The following HBP1 variants were observed in gnomAD, a reference collection of about 807,000 sequenced individuals.
HBP1 encodes the protein HMG-box transcription factor 1.
HBP1 carries 20 observed loss-of-function variants against 62.6 expected under a neutral mutation model. That is an observed-to-expected ratio of 0.32 (90% CI 0.22 to 0.46). The LOEUF is 0.46. Among genes scored for constraint, HBP1 ranks in the 20% least tolerant of loss-of-function variants. HBP1 has a pLI of 1.00. For synonymous variants in HBP1, 232 were observed against 206.2 expected, an observed-to-expected ratio of 1.12 and a Z score of -1.07; for missense variants, 480 against 611.8, an observed-to-expected ratio of 0.78 and a Z score of 2.27.
At chr7:107,183,524 A>G (rs1046927248) in intron 3 of HBP1, among the ~76,000 whole-genome samples, 1 of 152,126 alleles carries the variant, frequency 6.6e-6, no homozygotes, top group Non-Finnish European at 1.5e-5. Flanking sequence ...AGGAAAGAAA[A>G]CTTCCTTTCA....
At chr7:107,187,706 G>A (rs2115912234) in intron 6 of HBP1, among the ~76,000 whole-genome samples, 1 of 152,238 alleles carries the variant, frequency 6.6e-6, no homozygotes, top group Middle Eastern at 3.4e-3. Flanking sequence ...TGTCTCAAAG[G>A]TTACTAGCTT....
intron 3 of HBP1, among the ~76,000 whole-genome samples, chr7:107,182,953 A>G (rs1306993458): frequency 2.0e-5 from 3 of 152,134 alleles, no homozygotes; most frequent in Non-Finnish European, 4.4e-5. Context: ...AATTTTATCA[A>G]CCTTTAGTTG....
Position 107,189,378 on chromosome 7 carries a change from T to C in HBP1, c.852T>C (p.Pro284=). The C allele has an allele frequency of 6.2e-7, 1 of 1,612,472 alleles. No individual in the cohort carries two copies. ...CTGTACTGAAGTTGACTTTTGATCCTGGTACAGTAGAAGATGGTTTACTTA... is the reference window on the plus strand; with the variant it reads ...CTGTACTGAAGTTGACTTTTGATCCCGGTACAGTAGAAGATGGTTTACTTA... ...GESVLKLTFD[P]GTVEDGLLTV... is the part of the protein sequence containing the mutation. The change falls in exon 7 of 11, where the codon CCT becomes CCC. Residue 284 remains proline, a synonymous_variant. Coordinates refer to ENST00000222574, the MANE Select transcript of HBP1 (RefSeq NM_012257.4).
intron 1 of HBP1, chr7:107,169,712 T>G (rs745965810): frequency 3.0e-6 from 3 of 984,594 alleles, no homozygotes; most frequent in Non-Finnish European, 3.6e-6. Context: ...CGGGGCTCAT[T>G]GTTACGCAGT....
At chr7:107,171,073 A>ATATATATATATATATATATATTTT in intron 1 of HBP1, among the ~76,000 whole-genome samples, 1 of 87,194 alleles carries the variant, frequency 1.1e-5, no homozygotes, top group African/African-American at 6.6e-5. Context: ...ATATATATAT[A>ATATATATATATATATATATATTTT]TTTTTTTTTT....
intron 7 of HBP1, chr7:107,189,947 T>C (rs1457254934): frequency 2.6e-6 from 1 of 391,786 alleles, no homozygotes; most frequent in Non-Finnish European, 4.5e-6. Context: ...AGGAGCTCTA[T>C]ATATAATAAA....
intron 1 of HBP1, among the ~76,000 whole-genome samples, chr7:107,175,917 C>T (rs1031396986): frequency 3.3e-5 from 5 of 151,908 alleles, no homozygotes; most frequent in Non-Finnish European, 7.4e-5. Context: ...AGGGTTTCAC[C>T]ATGTTAGCCA....
Position 107,186,645 on chromosome 7 carries a change from T to C in HBP1, c.729T>C (p.Cys243=), listed in dbSNP as rs1162970133. 1.2e-6 allele frequency: 2 copies of C among 1,611,498 alleles called. No individual in the cohort carries two copies. Among genetic ancestry groups the C allele is most frequent in the Admixed American group, 3.3e-5 (2 of 59,782 alleles). ...DVEDFARAEG[C]DNEEDLQMGI... The stretch of plus-strand genomic sequence containing the variant: ...AAGATTTTGCTAGAGCTGAAGGCTG[T>C]GATAATGAGGAAGATCTTCAAATGG... The change falls in exon 6 of 11, where the codon TGT becomes TGC. Residue 243 remains cysteine, a synonymous_variant. Coordinates refer to ENST00000222574, the MANE Select transcript of HBP1 (RefSeq NM_012257.4).
intron 1 of HBP1, among the ~76,000 whole-genome samples, chr7:107,171,006 T>C (rs1184849687): frequency 4.2e-5 from 6 of 143,102 alleles, no homozygotes; most frequent in East Asian, 2.0e-4. Context: ...ATATAACATA[T>C]ACATGTATAT....
intron 1 of HBP1, among the ~76,000 whole-genome samples, chr7:107,172,173 A>G (rs1796632417): frequency 6.6e-6 from 1 of 152,030 alleles, no homozygotes; most frequent in African/African-American, 2.4e-5. Context: ...GAGTTTTTAA[A>G]AGTTATTGAT....
Position 107,195,735 on chromosome 7 carries a change from C to G in HBP1, c.1068-99C>G, listed in dbSNP as rs568516676. On this transcript the variant is annotated intron_variant, in intron 8 of 10. Coordinates refer to ENST00000222574, the MANE Select transcript of HBP1 (RefSeq NM_012257.4). ...TATAGGGGGAAATGCACTGAAATTT[C>G]CAATCAGATGTTTTCTTTTTTTTTT... The G allele has an allele frequency of 7.0e-5, 41 of 589,506 alleles. No homozygotes were observed. The East Asian group carries it at 1.3e-3, about 18-fold the overall frequency. The allele number at this position is 589,506 out of a possible 1,614,324, so 36.5% of individuals were successfully genotyped here.
At position 107,200,302 on chromosome 7, in the gene HBP1, G is replaced by A; in HGVS notation, c.1527+1G>A. 2 of 1,609,818 alleles carry A rather than the reference G, an allele frequency of 1.2e-6. No individual in the cohort carries two copies. The highest frequency in any genetic ancestry group is 1.1e-5 in the South Asian group (1 of 90,122). On this transcript the variant is annotated splice_donor_variant, in intron 10 of 10. Transcript: ENST00000222574. LOFTEE classifies it high-confidence loss of function. ...TTGGAAGAGGAAAAGAACCAATTCA[G>A]TATGTTTCAATAAATAGTGTTTAAA...
At chr7:107,180,440 T>G (rs1474462022) in intron 2 of HBP1, among the ~76,000 whole-genome samples, 1 of 152,228 alleles carries the variant, frequency 6.6e-6, no homozygotes, top group East Asian at 1.9e-4. Context: ...AGTGGACCCT[T>G]GAAACTTGAG....
chr7:107,194,057 G>T (rs181562997), intron 8 of HBP1, among the ~76,000 whole-genome samples: 1 of 152,196 alleles, frequency 6.6e-6, no homozygotes, highest in Non-Finnish European at 1.5e-5. Flanking sequence ...GGCACATTTG[G>T]GTACAGGTGC....
intron 1 of HBP1, among the ~76,000 whole-genome samples, chr7:107,178,335 T>C (rs1274151083): frequency 6.6e-6 from 1 of 152,204 alleles, no homozygotes; most frequent in Non-Finnish European, 1.5e-5. Context: ...AAATGGAATT[T>C]AGACTAGAGC....
At chr7:107,198,853 C>T (rs949464068) in intron 9 of HBP1, among the ~76,000 whole-genome samples, 6 of 152,196 alleles carry the variant, frequency 3.9e-5, no homozygotes, top group Non-Finnish European at 8.8e-5. Context: ...GTATAGTCTA[C>T]AGCATTGTGT....
intron 7 of HBP1, 62 bp downstream of exon 7, chr7:107,189,510 A>AGAC: frequency 7.7e-7 from 1 of 1,298,264 alleles, no homozygotes; most frequent in Non-Finnish European, 1.1e-6. Flanking sequence ...ATCTGTAATT[A>AGAC]TGTCTGTAGC....
chr7:107,174,502 G>T, intron 1 of HBP1: 25 of 985,282 alleles, frequency 2.5e-5, no homozygotes, highest in Non-Finnish European at 3.0e-5. Context: ...AATGATAGAA[G>T]TTGCAAAGAG....
intron 9 of HBP1, among the ~76,000 whole-genome samples, chr7:107,199,328 C>A (rs144462175): frequency 6.6e-6 from 1 of 152,136 alleles, no homozygotes; most frequent in Non-Finnish European, 1.5e-5. Flanking sequence ...GTGATCTGCC[C>A]GCCTTGGCCT....
Sources: allele counts gnomAD v4.1 joint callset (sites outside exome capture counted in the v4.1 genomes callset), GRCh38; gene constraint gnomAD v4.1.1; transcripts MANE v1.5; gene names NCBI Gene and HGNC (gene_info 2026-07-23, HGNC 2026-07-21).